The following DOCK5 variants were observed in gnomAD, a reference collection of about 807,000 sequenced individuals.
The protein encoded by DOCK5 is dedicator of cytokinesis 5.
Under a neutral mutation model 251.8 loss-of-function variants are expected in DOCK5, and 142 were observed. That is an observed-to-expected ratio of 0.56 (90% CI 0.49 to 0.65). DOCK5 has a LOEUF of 0.65. DOCK5 is among the 30% of genes least tolerant of loss of function. DOCK5 has a pLI of 0.00. For synonymous variants in DOCK5, 842 were observed against 835.5 expected (o/e 1.01, Z -0.13); for missense variants, 2,111 against 2,312.3 (o/e 0.91, Z 1.79).
chr8:25,188,637 A>G (rs1801491371), intron 1 of DOCK5, among the ~76,000 whole-genome samples: 2 of 152,238 alleles, frequency 1.3e-5, no homozygotes, highest in Non-Finnish European at 2.9e-5. Flanking sequence ...GTTCTTAAAC[A>G]GCAGTGTTGG....
intron 49 of DOCK5, among the ~76,000 whole-genome samples, chr8:25,408,431 T>C (rs1356793595): frequency 6.6e-6 from 1 of 152,220 alleles, no homozygotes; most frequent in Non-Finnish European, 1.5e-5. Flanking sequence ...CTCTGTCCCC[T>C]GAGTCAATCC....
chr8:25,281,335 G>A (rs1180693718), intron 5 of DOCK5, among the ~76,000 whole-genome samples: 2 of 151,672 alleles, frequency 1.3e-5, no homozygotes, highest in African/African-American at 2.4e-5. Context: ...GGCTGAGGCA[G>A]GAGAATCGCA....
chr8:25,243,392 G>A (rs951155746), intron 1 of DOCK5, among the ~76,000 whole-genome samples: 6 of 150,772 alleles, frequency 4.0e-5, no homozygotes, highest in Non-Finnish European at 8.8e-5. Context: ...GTGCAGTGGC[G>A]TGATCTCGGC....
intron 21 of DOCK5, among the ~76,000 whole-genome samples, chr8:25,335,333 C>G (rs1431354327): frequency 6.6e-6 from 1 of 152,078 alleles, no homozygotes; most frequent in East Asian, 1.9e-4. Flanking sequence ...CCAAATGCAG[C>G]ACTCCAGGTG....
intron 1 of DOCK5, among the ~76,000 whole-genome samples, chr8:25,222,749 A>G (rs1510760): frequency 0.25 from 37,473 of 152,076 alleles, 6,075 homozygotes; most frequent in African/African-American, 0.46. Context: ...GCAAGCACCA[A>G]GCCCATGGCA....
chr8:25,321,122 T>TTCTCCA, intron 16 of DOCK5, 70 bp downstream of exon 16: 3 of 1,320,230 alleles, frequency 2.3e-6, no homozygotes, highest in Non-Finnish European at 2.1e-6. Flanking sequence ...AGCCATCTTG[T>TTCTCCA]GAAGCTGGAG....
chr8:25,378,631 G>A (rs1441461526), intron 38 of DOCK5, among the ~76,000 whole-genome samples: 1 of 152,164 alleles, frequency 6.6e-6, no homozygotes, highest in Non-Finnish European at 1.5e-5. Context: ...TACCAAAGGG[G>A]TTAGAAGGCT....
At chr8:25,247,387 T>G (rs910345065) in intron 2 of DOCK5, among the ~76,000 whole-genome samples, 1 of 152,058 alleles carries the variant, frequency 6.6e-6, no homozygotes, top group Non-Finnish European at 1.5e-5. Context: ...CCTTGAGGCC[T>G]AGAGTTCAAG....
intron 5 of DOCK5, among the ~76,000 whole-genome samples, chr8:25,280,491 G>T (rs565094986): frequency 6.6e-6 from 1 of 152,282 alleles, no homozygotes; most frequent in South Asian, 2.1e-4. Flanking sequence ...CACAGCAGTA[G>T]AAATCACCAA....
Position 25,399,901 on chromosome 8 carries a change from T to C in DOCK5, c.4705-10T>C, listed in dbSNP as rs757540046. Reference sequence around the variant, plus strand: ...TGTTCTAATTAAAACTTGCATATGCTTTTTTTTAGGCTTTTTTTACAGAAA... The same window carrying C: ...TGTTCTAATTAAAACTTGCATATGCCTTTTTTTAGGCTTTTTTTACAGAAA... On this transcript the variant is annotated splice_polypyrimidine_tract_variant and intron_variant, in intron 45 of 51. Transcript: ENST00000276440. The C allele has an allele frequency of 2.1e-5, 34 of 1,596,536 alleles. No individual in the cohort carries two copies. Among genetic ancestry groups the C allele is most frequent in the Non-Finnish European group, 2.7e-5 (31 of 1,168,000 alleles).
At chr8:25,390,889 A>G (rs1801245914) in intron 42 of DOCK5, among the ~76,000 whole-genome samples, 1 of 151,852 alleles carries the variant, frequency 6.6e-6, no homozygotes, top group South Asian at 2.1e-4. Flanking sequence ...GCTCACTGCA[A>G]CTTCTGCCTC....
In DOCK5 at chr8:25,368,258, T is replaced by G; in HGVS notation, c.3283+8T>G. ...ACATGTGGTATAACCTGGGTGAGTGTCTAGCCTTGAACAGGCCTGATCACA... is the reference window on the plus strand; with the variant it reads ...ACATGTGGTATAACCTGGGTGAGTGGCTAGCCTTGAACAGGCCTGATCACA... On this transcript the variant is annotated splice_region_variant and intron_variant, in intron 32 of 51. Coordinates refer to ENST00000276440, the MANE Select transcript of DOCK5 (RefSeq NM_024940.8). 6.2e-7 allele frequency: 1 copy of G among 1,611,176 alleles called. No individual in the cohort carries two copies. The highest frequency in any genetic ancestry group is 1.1e-5 in the South Asian group (1 of 90,368).
chr8:25,244,993 G>A (rs145292940), intron 2 of DOCK5, among the ~76,000 whole-genome samples: 1 of 152,304 alleles, frequency 6.6e-6, no homozygotes, highest in East Asian at 1.9e-4. Flanking sequence ...AGACACTAGG[G>A]CAGTCGCCTT....
At chr8:25,289,883 G>C (rs1804444457) in intron 5 of DOCK5, among the ~76,000 whole-genome samples, 1 of 152,080 alleles carries the variant, frequency 6.6e-6, no homozygotes, top group African/African-American at 2.4e-5. Context: ...AGTATATGTG[G>C]ATTCAGTGGA....
rs1171651597 is a variant in DOCK5, at chr8:25,413,815, C to T, written c.*2517C>T. On this transcript the variant is annotated 3_prime_UTR_variant, in exon 52 of 52. Coordinates refer to ENST00000276440, the MANE Select transcript of DOCK5 (RefSeq NM_024940.8). The stretch of plus-strand genomic sequence containing the variant: ...AAAGGGATTCCAGGTAGTATTGTGG[C>T]TAAGAGATTACAGCGGACGATGGAA... 6.6e-6 allele frequency: 1 copy of T among 152,134 alleles called. No homozygotes were observed. Among genetic ancestry groups the T allele is most frequent in the African/African-American group, 2.4e-5 (1 of 41,418 alleles). 9.4% of individuals were successfully genotyped at this position (152,134 alleles called of 1,614,324 possible). A position where few individuals can be genotyped will look rare whatever the true frequency, so the allele number is the denominator to read the frequency against.
rs925895443 is a variant in DOCK5 at position 25,413,588 on chromosome 8, A to T, written c.*2290A>T. The stretch of plus-strand genomic sequence containing the variant: ...CGGGCTGCCATTAAAATAGAAAGAT[A>T]TAAAACTGGGTCACCAAAAAAACCA... On this transcript the variant is annotated 3_prime_UTR_variant, in exon 52 of 52. Transcript: ENST00000276440. 2 of 152,240 alleles carry T rather than the reference A, an allele frequency of 1.3e-5. No homozygotes were observed. The highest frequency in any genetic ancestry group is 2.9e-5 in the Non-Finnish European group (2 of 68,078). The allele number at this position is 152,240 out of a possible 1,614,324, so 9.4% of individuals were successfully genotyped here. A position where few individuals can be genotyped will look rare whatever the true frequency, so the allele number is the denominator to read the frequency against.
chr8:25,351,624 G>A, intron 26 of DOCK5, 107 bp from the exon 27 acceptor site: 1 of 771,804 alleles, frequency 1.3e-6, no homozygotes, highest in Non-Finnish European at 2.1e-6. Flanking sequence ...TGCTTTGTAG[G>A]GAAAAGCCAA....
At chr8:25,289,777 G>A (rs1804440300) in intron 5 of DOCK5, among the ~76,000 whole-genome samples, 1 of 152,036 alleles carries the variant, frequency 6.6e-6, no homozygotes, top group Non-Finnish European at 1.5e-5. Context: ...GGGATGGGGA[G>A]GTTGTCGTGA....
At chr8:25,357,309 A>G (rs1428093912) in intron 27 of DOCK5, among the ~76,000 whole-genome samples, 2 of 151,398 alleles carry the variant, frequency 1.3e-5, no homozygotes, top group Non-Finnish European at 2.9e-5. Context: ...ATAATTTGGC[A>G]ATATATATAT....
Sources: allele counts gnomAD v4.1 joint callset (sites outside exome capture counted in the v4.1 genomes callset), GRCh38; gene constraint gnomAD v4.1.1; transcripts MANE v1.5; gene names NCBI Gene and HGNC (gene_info 2026-07-23, HGNC 2026-07-21).